PRR5L: variants seen among roughly 807,000 people sequenced by gnomAD.
The protein encoded by PRR5L is proline rich 5 like, also known as proline-rich protein 5-like.
In PRR5L, 21 loss-of-function variants were observed where a neutral mutation model predicts 36.4. The observed-to-expected ratio is 0.58, with a 90% CI of 0.41 to 0.83. The LOEUF (loss-of-function observed/expected upper bound fraction) is 0.83, where lower values mean the gene tolerates loss of function less well. Ranked by LOEUF, PRR5L falls within the 40% of genes least tolerant of loss-of-function variation. The pLI, the probability that PRR5L is intolerant of heterozygous loss-of-function variation, is 0.00. For missense variants in PRR5L, 381 were observed against 473.3 expected, an observed-to-expected ratio of 0.80 and a Z score of 1.81; for synonymous variants, 188 against 197.0, an observed-to-expected ratio of 0.95 and a Z score of 0.38.
At chr11:36,414,033 GACAT>G (rs1444483241) in intron 3 of PRR5L, among the ~76,000 whole-genome samples, 5 of 148,252 alleles carry the variant, frequency 3.4e-5, no homozygotes, top group African/African-American at 5.1e-5. Context: ...CCCTACAAAG[GACAT>G]GAACTCATCA....
At chr11:36,457,761 A>C (rs531426197) in intron 8 of PRR5L, among the ~76,000 whole-genome samples, 21 of 152,336 alleles carry the variant, frequency 1.4e-4, no homozygotes, top group African/African-American at 5.1e-4. Context: ...AGACATCTGC[A>C]TGAAGCAAAT....
At chr11:36,301,625 T>C (rs188758679) in intron 1 of PRR5L, among the ~76,000 whole-genome samples, 1 of 152,274 alleles carries the variant, frequency 6.6e-6, no homozygotes, top group Non-Finnish European at 1.5e-5. Context: ...TGTTGTCCTT[T>C]CTTTTAATAA....
At chr11:36,442,819 C>G (rs1007641300) in intron 6 of PRR5L, among the ~76,000 whole-genome samples, 1 of 152,184 alleles carries the variant, frequency 6.6e-6, no homozygotes, top group Admixed American at 6.6e-5. Flanking sequence ...CTGGCCTTTG[C>G]TGTCCCTATT....
At chr11:36,445,470 A>T (rs1488254626) in intron 6 of PRR5L, among the ~76,000 whole-genome samples, 2 of 152,110 alleles carry the variant, frequency 1.3e-5, no homozygotes, top group Non-Finnish European at 2.9e-5. Context: ...AGAACAACTG[A>T]TTTTTAGTGC....
intron 1 of PRR5L, among the ~76,000 whole-genome samples, chr11:36,372,976 T>TTGTGTGTGTGTGTGTGTG (rs36076560): frequency 1.8e-4 from 26 of 146,760 alleles, no homozygotes; most frequent in African/African-American, 6.4e-4. Flanking sequence ...TGCCTAATAG[T>TTGTGTGTGTGTGTGTGTG]TGTGTGTGTG....
rs759222858 is a variant in PRR5L at position 36,451,256 on chromosome 11, G to A, written c.633G>A (p.Glu211=). 1 of 1,614,210 alleles carries A rather than the reference G, an allele frequency of 6.2e-7. No homozygotes were observed. The highest frequency in any genetic ancestry group is 1.3e-5 in the African/African-American group (1 of 75,048). The change falls in exon 8 of 9, where the codon GAG becomes GAA. Residue 211 remains glutamate (E), a synonymous_variant. Coordinates refer to ENST00000530639, the MANE Select transcript of PRR5L (RefSeq NM_001160167.2). ...CAAGTGAGAGTTATTTGCAACTGGA[G>A]GAGCTGGTGAAGCAAGTGGTTTCTC... The part of the protein sequence containing the change: ...TGPSESYLQL[E]ELVKQVVSPF...
intron 1 of PRR5L, among the ~76,000 whole-genome samples, chr11:36,374,109 T>TTCCTTCCTTCCTGC (rs1351828227): frequency 1.5e-4 from 11 of 74,164 alleles, no homozygotes; most frequent in Non-Finnish European, 2.8e-4. Flanking sequence ...TTCCTTCCTC[T>TTCCTTCCTTCCTGC]CTCTCTCTCT....
chr11:36,386,652 CAG>C (rs1367194454), intron 1 of PRR5L: 2 of 152,290 alleles, frequency 1.3e-5, no homozygotes, highest in African/African-American at 2.4e-5. Context: ...TTGTTTAAGA[CAG>C]GGGTCAGGAG....
chr11:36,317,255 T>G (rs1019897869), intron 1 of PRR5L, among the ~76,000 whole-genome samples: 1 of 152,226 alleles, frequency 6.6e-6, no homozygotes, highest in African/African-American at 2.4e-5. Flanking sequence ...GATAAGCGTC[T>G]TAACACTGAC....
At chr11:36,387,931 G>A (rs1389150472) in intron 1 of PRR5L, among the ~76,000 whole-genome samples, 1 of 75,552 alleles carries the variant, frequency 1.3e-5, no homozygotes, top group Non-Finnish European at 3.0e-5. Flanking sequence ...TGGATTTTTG[G>A]ACTTTCTTGG....
intron 3 of PRR5L, among the ~76,000 whole-genome samples, chr11:36,412,097 G>C (rs1054992328): frequency 1.3e-5 from 2 of 152,154 alleles, no homozygotes; most frequent in Non-Finnish European, 2.9e-5. Flanking sequence ...GAAGTATGAA[G>C]AATCAGTGAA....
chr11:36,340,380 C>A (rs1490669362), intron 1 of PRR5L, among the ~76,000 whole-genome samples: 4 of 152,116 alleles, frequency 2.6e-5, no homozygotes, highest in African/African-American at 9.7e-5. Flanking sequence ...ATGACTTGGG[C>A]CCTTATAGCC....
intron 1 of PRR5L, among the ~76,000 whole-genome samples, chr11:36,339,390 G>A (rs1856798039): frequency 6.6e-6 from 1 of 152,156 alleles, no homozygotes; most frequent in Admixed American, 6.5e-5. Flanking sequence ...CACCATGCCT[G>A]GCCTTGGAAT....
intron 1 of PRR5L, among the ~76,000 whole-genome samples, chr11:36,378,518 A>C (rs149003758): frequency 2.0e-5 from 3 of 152,368 alleles, no homozygotes; most frequent in African/African-American, 7.2e-5. Context: ...AAAAGAAGAA[A>C]GGCACTAGAA....
intron 4 of PRR5L, among the ~76,000 whole-genome samples, chr11:36,429,573 T>C (rs1858450770): frequency 6.6e-6 from 1 of 151,946 alleles, no homozygotes; most frequent in South Asian, 2.1e-4. Context: ...ACAGAGGCGA[T>C]CTCTATTACC....
intron 8 of PRR5L, chr11:36,455,452 TGAG>T (rs1859035999): frequency 1.3e-5 from 2 of 152,784 alleles, no homozygotes; most frequent in African/African-American, 4.8e-5. Flanking sequence ...TCCTGGTGAG[TGAG>T]GAGGGAATAA....
At chr11:36,338,274 T>C (rs1856787076) in intron 1 of PRR5L, among the ~76,000 whole-genome samples, 1 of 152,234 alleles carries the variant, frequency 6.6e-6, no homozygotes, top group South Asian at 2.1e-4. Flanking sequence ...TCTATCCCCA[T>C]TGAGCTCCTT....
chr11:36,432,157 T>TTTG (rs1159571459), intron 5 of PRR5L, among the ~76,000 whole-genome samples: 786 of 7,484 alleles, frequency 0.11, 14 homozygotes, highest in East Asian at 0.48. Context: ...TTCAGGGTTT[T>TTTG]TTTTTGTTTT....
intron 3 of PRR5L, among the ~76,000 whole-genome samples, chr11:36,412,764 T>C (rs998362310): frequency 6.6e-6 from 1 of 152,208 alleles, no homozygotes; most frequent in African/African-American, 2.4e-5. Flanking sequence ...TTGGGTAAGA[T>C]GAACCTCCTG....
Sources: gnomAD v4.1 joint callset for allele counts (sites outside exome capture counted in the v4.1 genomes callset) on GRCh38, gnomAD v4.1.1 for gene constraint, MANE v1.5 for transcripts, NCBI Gene and HGNC (gene_info 2026-07-23, HGNC 2026-07-21) for gene names.